CLU: variants seen among roughly 807,000 people sequenced by gnomAD.
CLU encodes the protein clusterin, also known as aging-associated protein 4.
CLU carries 25 observed loss-of-function variants against 46.4 expected under a neutral mutation model. The observed-to-expected ratio is 0.54, with a 90% CI of 0.39 to 0.75. The LOEUF is 0.75. Ranked by LOEUF, CLU falls within the 30% of genes least tolerant of loss-of-function variation. The pLI is 0.00. For missense variants in CLU, 504 were observed against 592.1 expected, an observed-to-expected ratio of 0.85 and a Z score of 1.54; for synonymous variants, 235 against 235.1, an observed-to-expected ratio of 1.00 and a Z score of 0.00.
At chr8:27,611,782 G>A in intron 1 of CLU, 2 of 456,980 alleles carry the variant, frequency 4.4e-6, no homozygotes, top group Non-Finnish European at 8.8e-6. Flanking sequence ...AAGAGATGGG[G>A]TCAGCGCCTT....
rs1193216194 is a variant in CLU, at chr8:27,598,268, T to C, written c.1341-18A>G. The C allele has an allele frequency of 1.2e-6, 2 of 1,613,656 alleles. No homozygotes were observed. The highest frequency in any genetic ancestry group is 1.3e-5 in the African/African-American group (1 of 74,882). ...ACTCCTCCCTGAAATAAAAAACAGT[T>C]ATCCTCCAAAGTAAAACATCCTCCA... On this transcript the variant is annotated intron_variant, in intron 8 of 8. Coordinates refer to ENST00000316403, the MANE Select transcript of CLU (RefSeq NM_001831.4).
intron 3 of CLU, among the ~76,000 whole-genome samples, chr8:27,607,792 T>C (rs1472581977): frequency 6.7e-6 from 1 of 149,518 alleles, no homozygotes; most frequent in Admixed American, 6.7e-5. Flanking sequence ...TTAGGTGAGG[T>C]CTTTGTCCTG....
chr8:27,604,100 T>C (rs1267279066), intron 6 of CLU, 191 bp downstream of exon 6: 1 of 616,586 alleles, frequency 1.6e-6, no homozygotes, highest in Non-Finnish European at 2.9e-6. Flanking sequence ...CGCATCATCA[T>C]CTCATTCTAA....
At position 27,608,928 on chromosome 8, in the gene CLU, T is replaced by G. The variant is rs562318707; in HGVS notation, c.246+10A>C. The G allele has an allele frequency of 6.2e-7, 1 of 1,614,138 alleles. No individual in the cohort carries two copies. The highest frequency in any genetic ancestry group is 8.5e-7 in the Non-Finnish European group (1 of 1,180,008). On this transcript the variant is annotated intron_variant, in intron 3 of 8. Transcript: ENST00000316403. Reference sequence around the variant, plus strand: ...GTCAAGGCAGGGAGGCGGTAGCGGCTCCTCCTGACCTCTTTCTTCTTCTTG... The same window carrying G: ...GTCAAGGCAGGGAGGCGGTAGCGGCGCCTCCTGACCTCTTTCTTCTTCTTG...
intron 4 of CLU, 126 bp from the exon 5 acceptor site, chr8:27,605,461 A>G: frequency 2.1e-6 from 2 of 971,126 alleles, no homozygotes; most frequent in South Asian, 2.7e-5. Flanking sequence ...GCAAGTGACC[A>G]ACAGCCCAGC....
chr8:27,614,646 A>C lies in CLU; in HGVS notation c.-30+9T>G. 1.9e-6 allele frequency: 1 copy of C among 526,352 alleles called. No individual in the cohort carries two copies. The highest frequency in any genetic ancestry group is 1.4e-5 in the South Asian group (1 of 71,244). The allele number at this position is 526,352 out of a possible 1,614,324, so 32.6% of individuals were successfully genotyped here. ...CTGCTCAAGGGTAGGGAAGACGGGG[A>C]CATCTCACCGGTCAGCGGCACCCTG... On this transcript the variant is annotated intron_variant, in intron 1 of 8. Coordinates refer to ENST00000316403, the MANE Select transcript of CLU (RefSeq NM_001831.4).
Position 27,599,917 on chromosome 8 carries a change from C to G in CLU, c.1027G>C (p.Glu343Gln), listed in dbSNP as rs771208664. Reference protein sequence around the residue: ...VAERLTRKYNELLKSYQWKML... With the variant: ...VAERLTRKYNQLLKSYQWKML... Reference sequence around the variant, plus strand: ...TTCCACTGGTAGGACTTTAGCAGCTCGTTGTATTTCCTGGTCAACCTCTCA... The same window carrying G: ...TTCCACTGGTAGGACTTTAGCAGCTGGTTGTATTTCCTGGTCAACCTCTCA... Residue 343 changes from glutamate to glutamine, a missense_variant, in exon 7 of 9, where the codon GAG becomes CAG. Physicochemically the swap from Glu to Gln is conservative, Grantham distance 29. This residue lies in a region of CLU where 428 missense variants were observed against 484.0 expected (regional missense o/e 0.88). Transcript: ENST00000316403. This position sits in a 1 kb window ranked among gnomAD's most constrained non-coding sequence, Gnocchi z 4.0. The G allele has an allele frequency of 2.7e-5, 44 of 1,614,084 alleles. No individual in the cohort carries two copies. The highest frequency in any genetic ancestry group is 4.0e-5 in the African/African-American group (3 of 74,924).
chr8:27,606,569 G>A, intron 3 of CLU, 45 bp from the exon 4 acceptor site: 1 of 1,610,610 alleles, frequency 6.2e-7, no homozygotes, highest in South Asian at 1.1e-5. Flanking sequence ...GAGACCACAG[G>A]CTCATGCACT....
intron 7 of CLU, chr8:27,598,990 G>A (rs1039822588): frequency 1.7e-5 from 3 of 181,506 alleles, no homozygotes; most frequent in Non-Finnish European, 3.5e-5. Flanking sequence ...AGAAAAAGAA[G>A]AGTTCCCAGT....
chr8:27,605,454 A>C, intron 4 of CLU, 119 bp from the exon 5 acceptor site: 1 of 1,018,130 alleles, frequency 9.8e-7, no homozygotes, highest in Non-Finnish European at 1.5e-6. Context: ...TCACACAGCA[A>C]GTGACCAACA....
chr8:27,614,458 G>T (rs1800978897), intron 1 of CLU, 197 bp downstream of exon 1: 1 of 325,428 alleles, frequency 3.1e-6, no homozygotes, highest in African/African-American at 2.3e-5. Flanking sequence ...GGCGGCGGTT[G>T]CGCCGGGGCC....
At chr8:27,609,179 G>A (rs1800877950) in intron 2 of CLU, 93 bp from the exon 3 acceptor site, 1 of 1,393,550 alleles carries the variant, frequency 7.2e-7, no homozygotes. Flanking sequence ...GGCCCGTTCA[G>A]TTCAGGGGCT....
chr8:27,610,833 T>C (rs1800913725), intron 1 of CLU: 1 of 509,004 alleles, frequency 2.0e-6, no homozygotes, highest in Non-Finnish European at 3.6e-6. Context: ...AGGACAGCAA[T>C]GTTGAGTGGA....
chr8:27,600,643 A>G (rs762656569), intron 6 of CLU, among the ~76,000 whole-genome samples: 24 of 152,292 alleles, frequency 1.6e-4, no homozygotes, highest in South Asian at 6.2e-4. Flanking sequence ...TGTTGACCAC[A>G]CTTCCAAAAG....
At position 27,601,126 on chromosome 8, in the gene CLU, G is replaced by A. The variant is rs573577769; in HGVS notation, c.935-1117C>T. Among the ~76,000 whole-genome samples the A allele has an allele frequency of 2.3e-3, 352 of 152,288 alleles. 1 individual carries two copies. The highest frequency in any genetic ancestry group is 3.9e-3 in the Non-Finnish European group (268 of 68,022). On this transcript the variant is annotated intron_variant, in intron 6 of 8. Coordinates refer to ENST00000316403, the MANE Select transcript of CLU (RefSeq NM_001831.4). The stretch of plus-strand genomic sequence containing the variant: ...TGCAATGGCGCGAGCTCAGCTCACT[G>A]CAACCTCCACCTCCCGGGTTCAAGC...
intron 6 of CLU, among the ~76,000 whole-genome samples, chr8:27,602,723 G>T (rs374232481): frequency 3.3e-5 from 5 of 151,988 alleles, no homozygotes; most frequent in East Asian, 1.9e-4. Flanking sequence ...CTTCAGTGTA[G>T]ACTATTTAGC....
chr8:27,614,530 C>G (rs770170861), intron 1 of CLU, 125 bp downstream of exon 1: 37 of 366,132 alleles, frequency 1.0e-4, no homozygotes, highest in Non-Finnish European at 1.8e-4. Flanking sequence ...TCCTGGGCTC[C>G]GTCGAAAGCG....
Position 27,606,564 on chromosome 8 carries a change from C to T in CLU, c.247-40G>A, listed in dbSNP as rs9331906. On this transcript the variant is annotated intron_variant, in intron 3 of 8. Transcript: ENST00000316403. Reference sequence around the variant, plus strand: ...AAGGCTGGCTGAGCCACACAGAGACCACAGGCTCATGCACTCAAAGAGCTG... The same window carrying T: ...AAGGCTGGCTGAGCCACACAGAGACTACAGGCTCATGCACTCAAAGAGCTG... The T allele has an allele frequency of 4.8e-3, 7,695 of 1,612,278 alleles. 271 individuals carry two copies. In the African/African-American group the frequency reaches 0.081, roughly 17 times the overall value.
chr8:27,610,392 A>C, intron 2 of CLU, 83 bp downstream of exon 2: 1 of 1,095,802 alleles, frequency 9.1e-7, no homozygotes, highest in Non-Finnish European at 1.4e-6. Flanking sequence ...GGCCTGATAG[A>C]GAGGCACTGA....
Sources: allele counts gnomAD v4.1 joint callset (sites outside exome capture counted in the v4.1 genomes callset), GRCh38; gene constraint gnomAD v4.1.1; regional missense constraint gnomAD v4.1.1; non-coding constraint Gnocchi (gnomAD v3.1); transcripts MANE v1.5; gene names NCBI Gene and HGNC (gene_info 2026-07-23, HGNC 2026-07-21).